LRBA: variants seen among roughly 807,000 people sequenced by gnomAD.
The protein encoded by LRBA is lipopolysaccharide-responsive and beige-like anchor protein.
A neutral mutation model predicts 330.0 loss-of-function variants in LRBA; 176 were observed. That is an observed-to-expected ratio of 0.53 (90% CI 0.47 to 0.60). LRBA has a LOEUF of 0.60. Among genes scored for constraint, LRBA ranks in the 20% least tolerant of loss-of-function variants. The pLI, the probability that LRBA is intolerant of heterozygous loss-of-function variation, is 0.00. For missense variants in LRBA, 3,259 were observed against 3,444.8 expected, an observed-to-expected ratio of 0.95 and a Z score of 1.35; for synonymous variants, 1,230 against 1,193.0, an observed-to-expected ratio of 1.03 and a Z score of -0.64.
Position 150,771,742 on chromosome 4 carries a change from T to G in LRBA, c.5581-9895A>C, listed in dbSNP as rs74289432. 3.4e-3 allele frequency among the ~76,000 whole-genome samples: 516 copies of G among 152,274 alleles called. 30 individuals carry two copies. The East Asian group carries it at 0.089, about 26-fold the overall frequency. On this transcript the variant is annotated intron_variant, in intron 34 of 56. Coordinates refer to ENST00000651943, the MANE Select transcript of LRBA (RefSeq NM_001364905.1). ...ACACTCAGCAGTGGCCACAGCCAGG[T>G]TGGCTTGCTGAGTGGAAGTTCAGGT...
At chr4:150,376,100 A>C (rs1373247128) in intron 47 of LRBA, among the ~76,000 whole-genome samples, 1 of 152,196 alleles carries the variant, frequency 6.6e-6, no homozygotes, top group Non-Finnish European at 1.5e-5. Flanking sequence ...ATCTAGAAAG[A>C]TATGCCTACC....
At chr4:150,835,656 C>A (rs1297942886) in intron 28 of LRBA, among the ~76,000 whole-genome samples, 1 of 152,038 alleles carries the variant, frequency 6.6e-6, no homozygotes, top group African/African-American at 2.4e-5. Flanking sequence ...GATTTTGTAT[C>A]CTGAGACTTT....
chr4:150,913,554 G>A (rs1474535117), intron 9 of LRBA, among the ~76,000 whole-genome samples: 1 of 152,212 alleles, frequency 6.6e-6, no homozygotes, highest in Non-Finnish European at 1.5e-5. Context: ...ACATTGGGCT[G>A]CATTGCTGTT....
chr4:150,722,536 GA>G (rs1475889231), intron 36 of LRBA, among the ~76,000 whole-genome samples: 2 of 152,036 alleles, frequency 1.3e-5, no homozygotes, highest in African/African-American at 4.8e-5. Context: ...ATTAGGAGGT[GA>G]GGGGAGAGAA....
chr4:150,469,168 C>T (rs1018839496), intron 43 of LRBA, among the ~76,000 whole-genome samples: 1 of 151,920 alleles, frequency 6.6e-6, no homozygotes, highest in Admixed American at 6.6e-5. Flanking sequence ...GAGTATGGAC[C>T]TGCTCAGTGA....
At chr4:150,713,657 A>G (rs1462654457) in intron 36 of LRBA, among the ~76,000 whole-genome samples, 1 of 152,218 alleles carries the variant, frequency 6.6e-6, no homozygotes, top group Non-Finnish European at 1.5e-5. Context: ...AGAATGTAAT[A>G]CAGATAAAAT....
chr4:150,863,517 C>T (rs1445038565), intron 22 of LRBA, among the ~76,000 whole-genome samples: 1 of 152,004 alleles, frequency 6.6e-6, no homozygotes, highest in African/African-American at 2.4e-5. Flanking sequence ...CAAAAATTAG[C>T]CAGTTGCAGT....
chr4:150,487,256 GAT>G lies in LRBA; in HGVS notation c.6551+474_6551+475del, dbSNP rs543663633. On this transcript the variant is annotated intron_variant, in intron 42 of 56. Transcript: ENST00000651943. The stretch of plus-strand genomic sequence containing the variant: ...TATTTATACACACATATACCATTAT[GAT>G]ATATATTATATATATATGTATCTTT... Among the ~76,000 whole-genome samples the G allele has an allele frequency of 4.5e-4, 67 of 150,218 alleles. No individual in the cohort carries two copies. In the South Asian group the frequency reaches 0.013, roughly 28 times the overall value.
intron 40 of LRBA, among the ~76,000 whole-genome samples, chr4:150,519,140 G>A (rs925853299): frequency 6.6e-6 from 1 of 151,892 alleles, no homozygotes; most frequent in East Asian, 1.9e-4. Flanking sequence ...CATTTTCAAA[G>A]CCTTGCACAT....
chr4:150,834,552 C>T (rs769354499), intron 28 of LRBA, among the ~76,000 whole-genome samples: 17 of 152,262 alleles, frequency 1.1e-4, no homozygotes, highest in African/African-American at 1.9e-4. Context: ...CACTAGTGGC[C>T]TTAAAACATT....
chr4:150,580,661 A>C (rs1487029557), intron 40 of LRBA: 2 of 152,240 alleles, frequency 1.3e-5, no homozygotes, highest in African/African-American at 4.8e-5. Context: ...ATACGTTAAA[A>C]AGATTCAGAA....
At chr4:150,528,282 G>A (rs992146107) in intron 40 of LRBA, among the ~76,000 whole-genome samples, 2 of 152,006 alleles carry the variant, frequency 1.3e-5, no homozygotes, top group Non-Finnish European at 2.9e-5. Context: ...GGTGGATCAC[G>A]AGGTCAGGAG....
chr4:150,267,161 G>A (rs144150081), intron 56 of LRBA, among the ~76,000 whole-genome samples: 198 of 152,274 alleles, frequency 1.3e-3, no homozygotes, highest in Non-Finnish European at 2.5e-3. Flanking sequence ...AAGGAAACAG[G>A]ACACTTGAAC....
In LRBA at chr4:150,949,561, T is replaced by C. The variant is rs985069138; in HGVS notation, c.217-20496A>G. Among the ~76,000 whole-genome samples, 16 of 152,226 alleles carry C rather than the reference T, an allele frequency of 1.1e-4. No individual in the cohort carries two copies. In the South Asian group the frequency reaches 1.4e-3, roughly 14 times the overall value. ...GGATAAAGAGTACAAAGGATTTCTC[T>C]GCATTATGTCTTCAACTGCATGTGA... On this transcript the variant is annotated intron_variant, in intron 2 of 56. Transcript: ENST00000651943.
intron 36 of LRBA, among the ~76,000 whole-genome samples, chr4:150,693,177 G>A (rs1008736417): frequency 2.0e-5 from 3 of 152,246 alleles, no homozygotes; most frequent in Admixed American, 6.5e-5. Flanking sequence ...GTTGAAAAAT[G>A]TAAGAAAATA....
intron 28 of LRBA, among the ~76,000 whole-genome samples, chr4:150,838,807 T>C (rs1286597915): frequency 6.6e-6 from 1 of 152,204 alleles, no homozygotes; most frequent in African/African-American, 2.4e-5. Context: ...AAAGTCATTC[T>C]CTGTACAGCT....
At chr4:150,378,929 A>G (rs921305481) in intron 47 of LRBA, among the ~76,000 whole-genome samples, 1 of 152,206 alleles carries the variant, frequency 6.6e-6, no homozygotes, top group African/African-American at 2.4e-5. Flanking sequence ...TTATGTAATA[A>G]TAATTTGTTA....
chr4:150,599,207 TCTC>T, intron 37 of LRBA, 76 bp from the exon 38 acceptor site: 1 of 1,514,692 alleles, frequency 6.6e-7, no homozygotes, highest in Non-Finnish European at 9.0e-7. Context: ...TGCATAAAGC[TCTC>T]CTTGTTTGCT....
At chr4:150,879,201 CGA>C (rs1560953149) in intron 17 of LRBA, among the ~76,000 whole-genome samples, 2 of 152,100 alleles carry the variant, frequency 1.3e-5, no homozygotes, top group African/African-American at 4.8e-5. Context: ...TTCTGGAATG[CGA>C]GGTTGGTTCA....
Sources: allele counts gnomAD v4.1 joint callset (sites outside exome capture counted in the v4.1 genomes callset), GRCh38; gene constraint gnomAD v4.1.1; transcripts MANE v1.5; gene names NCBI Gene and HGNC (gene_info 2026-07-23, HGNC 2026-07-21).